The following NBPF14 variants were observed in gnomAD, a reference collection of about 807,000 sequenced individuals.
The protein encoded by NBPF14 is NBPF family member NBPF14.
Under a neutral mutation model 91.2 loss-of-function variants are expected in NBPF14, and 104 were observed. The ratio of observed to expected loss-of-function variants is 1.14; its 90% CI spans 0.97 to 1.34. The LOEUF (loss-of-function observed/expected upper bound fraction) is 1.34. Among genes scored for constraint, NBPF14 ranks in the 40% most tolerant of loss-of-function variants. The pLI, the probability that NBPF14 is intolerant of heterozygous loss-of-function variation, is 0.00. For synonymous variants in NBPF14, 294 were observed against 303.8 expected (o/e 0.97, Z 0.34); for missense variants, 908 against 783.0 (o/e 1.16, Z -1.91).
chr1:148,577,872 A>C, intron 14 of NBPF14, 111 bp downstream of exon 14: 1 of 598,004 alleles, frequency 1.7e-6, no homozygotes, highest in Non-Finnish European at 2.9e-6. Context: ...GGCATAATTC[A>C]GACTTGTCTG....
intron 12 of NBPF14, among the ~76,000 whole-genome samples, chr1:148,580,726 C>T: frequency 2.1e-5 from 1 of 47,088 alleles, no homozygotes; most frequent in East Asian, 5.1e-4. Context: ...CAAAGGGAAA[C>T]CCATCAGACT....
At chr1:148,539,575 T>C in exon 63 of NBPF14, 6 of 248,678 alleles carry the variant, frequency 2.4e-5, no homozygotes. Flanking sequence ...AGCAGCTCCC[T>C]GCTGAGCCTG....
intron 15 of NBPF14, 76 bp downstream of exon 15, chr1:148,577,107 G>T: frequency 1.6e-6 from 1 of 616,876 alleles, no homozygotes; most frequent in Middle Eastern, 4.4e-4. Context: ...GCTCAGTAAG[G>T]GCCACTTGCA....
At chr1:148,578,241 T>G (rs1660331162) in intron 13 of NBPF14, among the ~76,000 whole-genome samples, 1 of 151,358 alleles carries the variant, frequency 6.6e-6, no homozygotes, top group African/African-American at 2.4e-5. Context: ...TTCCCCTGTG[T>G]TGGAATGTTA....
intron 59 of NBPF14, among the ~76,000 whole-genome samples, chr1:148,542,159 C>A (rs1376346732): frequency 9.5e-6 from 1 of 104,818 alleles, no homozygotes; most frequent in South Asian, 3.5e-4. Context: ...AGGAGAAAAA[C>A]TGCAATATTT....
At chr1:148,535,087 C>T (rs1481368469) in intron 68 of NBPF14, among the ~76,000 whole-genome samples, 5 of 145,866 alleles carry the variant, frequency 3.4e-5, no homozygotes, top group East Asian at 4.1e-4. Flanking sequence ...GTGAGCTCAG[C>T]GAATTGGCCG....
chr1:148,586,773 G>A (rs1476833526), intron 8 of NBPF14, among the ~76,000 whole-genome samples: 3 of 142,042 alleles, frequency 2.1e-5, no homozygotes, highest in South Asian at 2.4e-4. Flanking sequence ...CCTCACTCTG[G>A]CCATGGACAT....
intron 68 of NBPF14, 65 bp from the exon 69 acceptor site, chr1:148,534,921 G>C (rs1381641149): frequency 2.6e-5 from 19 of 733,090 alleles, no homozygotes; most frequent in Non-Finnish European, 4.5e-5. Flanking sequence ...GCCCCAGCTA[G>C]ATTTCATGGC....
Position 148,595,574 on chromosome 1 carries a change from G to A in NBPF14, c.144C>T (p.Ala48=), listed in dbSNP as rs1215450485. Residue 48 remains alanine, a synonymous_variant, in exon 2 of 71, where the codon GCC becomes GCT. Coordinates refer to ENST00000619423, the Ensembl canonical transcript of NBPF14. ...TCTTCTGTTGGTTGGCCAGGAAGCC[G>A]GCCAGTTGAGTTAGAAAACATTTCT... 6.4e-5 allele frequency: 101 copies of A among 1,582,784 alleles called. 11 individuals are homozygous for A. Among genetic ancestry groups the A allele is most frequent in the Admixed American group, 4.6e-4 (27 of 59,292 alleles).
chr1:148,565,809 A>T (rs1171781080), intron 29 of NBPF14, among the ~76,000 whole-genome samples: 10 of 14,316 alleles, frequency 7.0e-4, no homozygotes, highest in African/African-American at 2.4e-3. Context: ...AGGACATTAG[A>T]CACTGAAATT....
exon 2 of NBPF14, chr1:148,595,636 G>A (rs1449659920): frequency 2.8e-6 from 4 of 1,453,526 alleles, no homozygotes; most frequent in South Asian, 2.3e-5. Context: ...TTCTCTGCCA[G>A]CTGGGGGCGC....
At chr1:148,566,393 G>T (rs1163213044) in intron 28 of NBPF14, 78 bp from the exon 29 acceptor site, 1 of 673,708 alleles carries the variant, frequency 1.5e-6, no homozygotes, top group Admixed American at 2.3e-5. Flanking sequence ...TTCATGGGTA[G>T]CATAGGGAAG....
intron 47 of NBPF14, among the ~76,000 whole-genome samples, chr1:148,551,764 G>C (rs1200091746): frequency 5.2e-3 from 100 of 19,062 alleles, no homozygotes; most frequent in Non-Finnish European, 7.1e-3. Flanking sequence ...CCACAGGTAT[G>C]GCCTGAGACT....
At position 148,539,264 on chromosome 1, in the gene NBPF14, C is replaced by A. The variant is rs1476420410; in HGVS notation, c.7882+146G>T. ...ATGTCTAGGCTTCCAACTGAGACTA[C>A]AGTTTCTTTACAACCTATATGCGCC... On this transcript the variant is annotated intron_variant, in intron 63 of 70. Transcript: ENST00000619423. 2.6e-5 allele frequency: 16 copies of A among 615,634 alleles called. 4 individuals carry two copies. The highest frequency in any genetic ancestry group is 2.5e-4 in the Admixed American group (12 of 47,486). The allele number at this position is 615,634 out of a possible 1,614,324, so 38.1% of individuals were successfully genotyped here. A position where few individuals can be genotyped will look rare whatever the true frequency, so the allele number is the denominator to read the frequency against.
At chr1:148,534,216 T>A (rs1654451293) in intron 69 of NBPF14, among the ~76,000 whole-genome samples, 1 of 151,038 alleles carries the variant, frequency 6.6e-6, no homozygotes, top group East Asian at 1.9e-4. Flanking sequence ...GTCCCAAGTT[T>A]CTGCAAACAG....
chr1:148,559,970 A>T lies in NBPF14; in HGVS notation c.4557-5T>A, dbSNP rs1287043208. On this transcript the variant is annotated splice_region_variant and splice_polypyrimidine_tract_variant and intron_variant, in intron 36 of 70. Coordinates refer to ENST00000619423, the Ensembl canonical transcript of NBPF14. The stretch of plus-strand genomic sequence containing the variant: ...TGCAGCAGCTCCCTGCTGAGCCTGG[A>T]AAAGTGGAAAAAAGTAAAGAATAAG... The T allele has an allele frequency of 1.6e-6, 2 of 1,278,944 alleles. No individual in the cohort carries two copies. The highest frequency in any genetic ancestry group is 2.2e-6 in the Non-Finnish European group (2 of 910,756). The allele number at this position is 1,278,944 out of a possible 1,614,324, so 79.2% of individuals were successfully genotyped here.
rs1156778625 is a variant in NBPF14, at chr1:148,534,869, G to A, written c.8442-13C>T. 2.3e-6 allele frequency: 2 copies of A among 853,496 alleles called. No homozygotes were observed. Among genetic ancestry groups the A allele is most frequent in the Non-Finnish European group, 4.0e-6 (2 of 500,910 alleles). 52.9% of individuals were successfully genotyped at this position (853,496 alleles called of 1,614,324 possible). A position where few individuals can be genotyped will look rare whatever the true frequency, so the allele number is the denominator to read the frequency against. Reference sequence around the variant, plus strand: ...CTCCCTGCTGAGCCTGGAAAAGTAGGAAAAAGTAAAGAATAAGCCAGGGGG... The same window carrying A: ...CTCCCTGCTGAGCCTGGAAAAGTAGAAAAAAGTAAAGAATAAGCCAGGGGG... On this transcript the variant is annotated splice_polypyrimidine_tract_variant and intron_variant, in intron 68 of 70. Coordinates refer to ENST00000619423, the Ensembl canonical transcript of NBPF14.
At chr1:148,558,104 T>G (rs1657007845) in intron 39 of NBPF14, 148 bp downstream of exon 39, 1 of 230,388 alleles carries the variant, frequency 4.3e-6, no homozygotes. Context: ...CAACTGAGAC[T>G]ACAGTTTCAT....
At chr1:148,578,986 G>A (rs1404714905) in intron 13 of NBPF14, 88 bp downstream of exon 13, 1 of 641,010 alleles carries the variant, frequency 1.6e-6, no homozygotes, top group African/African-American at 2.0e-5. Flanking sequence ...GCAAATCTCA[G>A]CCCAACAAGG....
Sources: gnomAD v4.1 joint callset for allele counts (sites outside exome capture counted in the v4.1 genomes callset) on GRCh38, gnomAD v4.1.1 for gene constraint, MANE v1.5 for transcripts, NCBI Gene and HGNC (gene_info 2026-07-23, HGNC 2026-07-21) for gene names.